DDX52: variants seen among roughly 807,000 people sequenced by gnomAD.
DDX52 encodes DExD-box helicase 52, also known as probable ATP-dependent RNA helicase DDX52.
A neutral mutation model predicts 76.1 loss-of-function variants in DDX52; 59 were observed. The observed-to-expected ratio is 0.78, with a 90% CI of 0.63 to 0.96. The LOEUF (loss-of-function observed/expected upper bound fraction) is 0.96, where lower values mean the gene tolerates loss of function less well. DDX52 is among the 40% of genes least tolerant of loss of function. DDX52 has a pLI of 0.00. For missense variants in DDX52, 707 were observed against 703.9 expected (o/e 1.00, Z -0.05); for synonymous variants, 231 against 244.1 (o/e 0.95, Z 0.50).
intron 4 of DDX52, 94 bp downstream of exon 4, chr17:37,632,019 A>G: frequency 6.5e-7 from 1 of 1,544,134 alleles, no homozygotes; most frequent in Non-Finnish European, 8.9e-7. Context: ...CAGGGGAGAT[A>G]AGGTGGAAAG....
rs1555805782 is a variant in DDX52 at position 37,609,995 on chromosome 17, C to CT, written c.*4300dup. On this transcript the variant is annotated 3_prime_UTR_variant, in exon 15 of 15. Coordinates refer to ENST00000617633, the MANE Select transcript of DDX52 (RefSeq NM_007010.5). ...CGAAAAAACTCCAAGGTGTACTACT[C>CT]TTGTTTGGTTCTGCCATCCTGCCAC... 6.6e-6 allele frequency: 1 copy of CT among 152,220 alleles called. No homozygotes were observed. The highest frequency in any genetic ancestry group is 1.5e-5 in the Non-Finnish European group (1 of 68,062). The allele number at this position is 152,220 out of a possible 1,614,324, so 9.4% of individuals were successfully genotyped here.
intron 1 of DDX52, 53 bp downstream of exon 1, chr17:37,643,281 C>T (rs1270434326): frequency 7.7e-6 from 12 of 1,562,162 alleles, no homozygotes; most frequent in Admixed American, 1.8e-5. Flanking sequence ...GGTTCATTCC[C>T]GGGCTCCTGC....
chr17:37,630,250 G>C (rs2030612304), intron 4 of DDX52, 77 bp from the exon 5 acceptor site: 1 of 1,387,760 alleles, frequency 7.2e-7, no homozygotes, highest in Non-Finnish European at 9.6e-7. Context: ...AACGCTACCA[G>C]CCATAGAAAA....
At chr17:37,633,262 T>C (rs1465069797) in intron 3 of DDX52, 26 bp downstream of exon 3, 1 of 1,588,556 alleles carries the variant, frequency 6.3e-7, no homozygotes, top group African/African-American at 1.4e-5. Flanking sequence ...ATATATATAC[T>C]TTTGGCCCCA....
At position 37,610,657 on chromosome 17, in the gene DDX52, A is replaced by C. The variant is rs1653884065; in HGVS notation, c.*3639T>G. On this transcript the variant is annotated 3_prime_UTR_variant, in exon 15 of 15. Transcript: ENST00000617633. ...TTAAAAAATCCTCAGTATCCTTAGG[A>C]GTTACAATTGGCATCTTACAGATGA... is the stretch of plus-strand genomic sequence containing the variant. 6.6e-6 allele frequency: 1 copy of C among 152,142 alleles called. No homozygotes were observed. The highest frequency in any genetic ancestry group is 1.5e-5 in the Non-Finnish European group (1 of 68,022). 9.4% of individuals were successfully genotyped at this position (152,142 alleles called of 1,614,324 possible). A position where few individuals can be genotyped will look rare whatever the true frequency, so the allele number is the denominator to read the frequency against.
chr17:37,633,995 A>AAGTG (rs1958340412), intron 2 of DDX52, among the ~76,000 whole-genome samples: 1 of 145,696 alleles, frequency 6.9e-6, no homozygotes, highest in Non-Finnish European at 1.5e-5. Flanking sequence ...GCCCAGGCTG[A>AAGTG]AGTGCAGTGG....
At chr17:37,641,416 C>T (rs1328876080) in intron 2 of DDX52, among the ~76,000 whole-genome samples, 1 of 150,896 alleles carries the variant, frequency 6.6e-6, no homozygotes, top group African/African-American at 2.4e-5. Context: ...AAAAAAAATG[C>T]TCGACCTCAC....
intron 9 of DDX52, 32 bp from the exon 10 acceptor site, chr17:37,621,552 T>A (rs372799883): frequency 2.9e-5 from 46 of 1,586,810 alleles, no homozygotes; most frequent in Non-Finnish European, 3.5e-5. Flanking sequence ...CATACATAAC[T>A]CAATCAAGAA....
At chr17:37,634,724 G>A (rs2030850839) in intron 2 of DDX52, among the ~76,000 whole-genome samples, 1 of 152,120 alleles carries the variant, frequency 6.6e-6, no homozygotes, top group Non-Finnish European at 1.5e-5. Flanking sequence ...AAGAACACTA[G>A]CCAATTAAAA....
Position 37,612,267 on chromosome 17 carries a change from G to A in DDX52, c.*2029C>T, listed in dbSNP as rs1023960907. The stretch of plus-strand genomic sequence containing the variant: ...TTGGTATTTTTTTTAGTAGAGATGG[G>A]GTTTTGCCATGTTGCCCGGGCTGGT... On this transcript the variant is annotated 3_prime_UTR_variant, in exon 15 of 15. Transcript: ENST00000617633. The A allele has an allele frequency of 1.3e-5, 2 of 151,976 alleles. No homozygotes were observed. Among genetic ancestry groups the A allele is most frequent in the Non-Finnish European group, 2.9e-5 (2 of 68,032 alleles). The allele number at this position is 151,976 out of a possible 1,614,324, so 9.4% of individuals were successfully genotyped here. A position where few individuals can be genotyped will look rare whatever the true frequency, so the allele number is the denominator to read the frequency against.
intron 14 of DDX52, chr17:37,614,987 AT>A (rs1568596376): frequency 6.6e-6 from 1 of 152,280 alleles, no homozygotes; most frequent in Non-Finnish European, 1.5e-5. Flanking sequence ...GGAAGTAGAT[AT>A]TAGAACCAGT....
Position 37,642,326 on chromosome 17 carries a change from TA to T in DDX52, c.88-19del, listed in dbSNP as rs749355449. 1.2e-6 allele frequency: 2 copies of T among 1,604,710 alleles called. No individual in the cohort carries two copies. The highest frequency in any genetic ancestry group is 1.7e-6 in the Non-Finnish European group (2 of 1,174,670). On this transcript the variant is annotated intron_variant, in intron 1 of 14. Transcript: ENST00000617633. ...TTTCCTATCTAAAACCCAAAAAATGTAAAATGAAACCTACTGACAGAATACC... is the reference window on the plus strand; with the variant it reads ...TTTCCTATCTAAAACCCAAAAAATGTAAATGAAACCTACTGACAGAATACC...
intron 2 of DDX52, among the ~76,000 whole-genome samples, chr17:37,640,696 A>C (rs1229975590): frequency 6.6e-6 from 1 of 151,122 alleles, no homozygotes; most frequent in African/African-American, 2.4e-5. Context: ...AGAAAAAAAA[A>C]AAAAAAAAAG....
In DDX52 at chr17:37,621,109, A is replaced by G; in HGVS notation, c.1501+18T>C. On this transcript the variant is annotated intron_variant, in intron 11 of 14. Coordinates refer to ENST00000617633, the MANE Select transcript of DDX52 (RefSeq NM_007010.5). Reference sequence around the variant, plus strand: ...GATCAGTGGGTGACAGAGGGGAAGGAAAAAAAAGACAACTCACCTATCCTG... The same window carrying G: ...GATCAGTGGGTGACAGAGGGGAAGGGAAAAAAAGACAACTCACCTATCCTG... 1 of 1,592,612 alleles carries G rather than the reference A, an allele frequency of 6.3e-7. No homozygotes were observed. The highest frequency in any genetic ancestry group is 8.5e-7 in the Non-Finnish European group (1 of 1,170,746).
rs1273325055 is a variant in DDX52 at position 37,621,124 on chromosome 17, C to T, written c.1501+3G>A. ...GAGGGGAAGGAAAAAAAAGACAACT[C>T]ACCTATCCTGTGGATATATTCCACT... On this transcript the variant is annotated splice_donor_region_variant and intron_variant, in intron 11 of 14. Transcript: ENST00000617633. The T allele has an allele frequency of 6.2e-6, 10 of 1,605,810 alleles. No homozygotes were observed. Among genetic ancestry groups the T allele is most frequent in the Non-Finnish European group, 8.5e-6 (10 of 1,176,984 alleles).
At chr17:37,635,035 G>A (rs1252505516) in intron 2 of DDX52, among the ~76,000 whole-genome samples, 3 of 151,838 alleles carry the variant, frequency 2.0e-5, no homozygotes, top group Non-Finnish European at 4.4e-5. Flanking sequence ...TCCTGACCTC[G>A]TGATCCGCCC....
chr17:37,629,412 C>G (rs1368666605), intron 5 of DDX52, among the ~76,000 whole-genome samples: 2 of 152,018 alleles, frequency 1.3e-5, no homozygotes, highest in African/African-American at 2.4e-5. Context: ...ATGACTCATG[C>G]CTGTAAGCCC....
rs973869914 is a variant in DDX52 at position 37,632,247 on chromosome 17, G to C, written c.469C>G (p.Pro157Ala). ...TGCTGAAATGTAGCAATTGGGTCAG[G>C]AAGATCGGTTCCTTGGACGTGAATT... Reference protein sequence around the residue: ...HKIHVQGTDLPDPIATFQQLD... With the variant: ...HKIHVQGTDLADPIATFQQLD... Residue 157 changes from proline (P) to alanine (A), a missense_variant, in exon 4 of 15, where the codon CCT (proline) becomes GCT (alanine). Coordinates refer to ENST00000617633, the MANE Select transcript of DDX52 (RefSeq NM_007010.5). 5.0e-6 allele frequency: 8 copies of C among 1,613,970 alleles called. No individual in the cohort carries two copies. In the African/African-American group the frequency reaches 1.1e-4, roughly 22 times the overall value.
At chr17:37,619,264 A>G (rs2029952576) in intron 13 of DDX52, among the ~76,000 whole-genome samples, 1 of 152,170 alleles carries the variant, frequency 6.6e-6, no homozygotes, top group African/African-American at 2.4e-5. Flanking sequence ...CTGTAATTCC[A>G]GCCACTTGAG....
Sources: allele counts gnomAD v4.1 joint callset (sites outside exome capture counted in the v4.1 genomes callset), GRCh38; gene constraint gnomAD v4.1.1; transcripts MANE v1.5; gene names NCBI Gene and HGNC (gene_info 2026-07-23, HGNC 2026-07-21).